Variants in GRID2IP observed in about 807,000 individuals in gnomAD.
GRID2IP encodes the protein delphilin.
In GRID2IP, 78 loss-of-function variants were observed where a neutral mutation model predicts 114.3. The ratio of observed to expected loss-of-function variants is 0.68; its 90% CI spans 0.57 to 0.82. GRID2IP has a LOEUF of 0.82. Among genes scored for constraint, GRID2IP ranks in the 40% least tolerant of loss-of-function variants. The pLI is 0.00. For missense variants in GRID2IP, 1,727 were observed against 1,678.5 expected, an observed-to-expected ratio of 1.03 and a Z score of -0.51; for synonymous variants, 809 against 724.0, an observed-to-expected ratio of 1.12 and a Z score of -1.89.
At chr7:6,504,385 G>A (rs531492573) in intron 15 of GRID2IP, among the ~76,000 whole-genome samples, 290 of 151,578 alleles carry the variant, frequency 1.9e-3, no homozygotes, top group Non-Finnish European at 2.8e-3. Flanking sequence ...GGCCTGCGAG[G>A]GGTGCCGTAG....
At chr7:6,533,448 T>A (rs1016160213) in intron 2 of GRID2IP, among the ~76,000 whole-genome samples, 2 of 151,966 alleles carry the variant, frequency 1.3e-5, no homozygotes, top group Non-Finnish European at 2.9e-5. Flanking sequence ...AGCCTCAAAT[T>A]CCTGGGCTTA....
At chr7:6,500,216 C>A (rs1482861781) in intron 20 of GRID2IP, among the ~76,000 whole-genome samples, 1 of 151,762 alleles carries the variant, frequency 6.6e-6, no homozygotes, top group Non-Finnish European at 1.5e-5. Context: ...GTAATCCCAG[C>A]ACTTTGGGAG....
At chr7:6,498,514 C>T (rs570001578) in intron 20 of GRID2IP, among the ~76,000 whole-genome samples, 7 of 152,070 alleles carry the variant, frequency 4.6e-5, no homozygotes, top group African/African-American at 9.6e-5. Context: ...CTTCCACTGC[C>T]ACCTTCTTCC....
chr7:6,503,709 G>A (rs1365070622), intron 15 of GRID2IP, 22 bp from the exon 16 acceptor site: 2 of 1,447,604 alleles, frequency 1.4e-6, no homozygotes, highest in Non-Finnish European at 1.8e-6. Context: ...GCGGGGCGGT[G>A]AGCTGGGCGG....
At chr7:6,503,715 G>C (rs1190847237) in intron 15 of GRID2IP, 28 bp from the exon 16 acceptor site, 2 of 1,440,574 alleles carry the variant, frequency 1.4e-6, no homozygotes, top group Non-Finnish European at 1.8e-6. Flanking sequence ...CGGTGAGCTG[G>C]GCGGGGCCGG....
intron 1 of GRID2IP, among the ~76,000 whole-genome samples, chr7:6,541,137 G>C (rs919468218): frequency 6.6e-6 from 1 of 151,578 alleles, no homozygotes; most frequent in Non-Finnish European, 1.5e-5. Flanking sequence ...CTTCCACCAC[G>C]GCCTCCCAAG....
chr7:6,511,039 G>A lies in GRID2IP; in HGVS notation c.1424C>T (p.Ala475Val), dbSNP rs537204643. 5.6e-6 allele frequency: 8 copies of A among 1,434,092 alleles called. No homozygotes were observed. The African/African-American group carries it at 1.2e-4, about 21-fold the overall frequency. The allele number at this position is 1,434,092 out of a possible 1,614,324, so 88.8% of individuals were successfully genotyped here. ...CAGGTCCAGCTCAGGCTCCGGCTCT[G>A]CTGTGGGACATGCAGGGAACATGGG... is the stretch of plus-strand genomic sequence containing the variant. ...ACFLGYTAMT[A>V]EPEPELDLES... Residue 475 changes from alanine to valine, a missense_variant and splice_region_variant, in exon 9 of 22, where the codon GCA becomes GTA. Ala to Val is a moderately conservative substitution (Grantham distance 64). Transcript: ENST00000457091.
At position 6,501,383 on chromosome 7, in the gene GRID2IP, T is replaced by C. The variant is rs73059342; in HGVS notation, c.3399+398A>G. On this transcript the variant is annotated intron_variant, in intron 20 of 21. Transcript: ENST00000457091. ...AAATAAAATTAAACAAACAAACAAA[T>C]AAATAAATAAATAAATAAATTTATA... is the stretch of plus-strand genomic sequence containing the variant. Among the ~76,000 whole-genome samples, 572 of 150,546 alleles carry C rather than the reference T, an allele frequency of 3.8e-3. 2 individuals carry two copies. Among genetic ancestry groups the C allele is most frequent in the African/African-American group, 0.011 (430 of 40,900 alleles).
intron 15 of GRID2IP, 98 bp from the exon 16 acceptor site, chr7:6,503,785 C>T (rs1259509980): frequency 1.2e-6 from 1 of 866,924 alleles, no homozygotes; most frequent in Non-Finnish European, 1.7e-6. Flanking sequence ...AGAGGGCGGA[C>T]ACGGGGCGGG....
Position 6,521,804 on chromosome 7 carries a change from G to T in GRID2IP, c.989+84C>A. The T allele has an allele frequency of 1.9e-6, 2 of 1,035,250 alleles. No individual in the cohort carries two copies. The highest frequency in any genetic ancestry group is 2.9e-6 in the Non-Finnish European group (2 of 684,170). The allele number at this position is 1,035,250 out of a possible 1,614,324, so 64.1% of individuals were successfully genotyped here. A position where few individuals can be genotyped will look rare whatever the true frequency, so the allele number is the denominator to read the frequency against. On this transcript the variant is annotated intron_variant, in intron 5 of 21. Coordinates refer to ENST00000457091, the MANE Select transcript of GRID2IP (RefSeq NM_001145118.2). The surrounding 1 kb of genome is among the most constrained non-coding windows in gnomAD (Gnocchi z 4.1). The stretch of plus-strand genomic sequence containing the variant: ...ATGGTGAGAGGAGATTGTGATCACA[G>T]CCTGGGTGCCCCAAGAGGCAGGAGT...
chr7:6,539,623 C>T, intron 2 of GRID2IP, 95 bp downstream of exon 2: 4 of 1,208,144 alleles, frequency 3.3e-6, no homozygotes, highest in East Asian at 5.5e-5. Context: ...TATCTCCCAC[C>T]TGGGCTGGAA....
chr7:6,534,479 T>C lies in GRID2IP; in HGVS notation c.584+5239A>G, dbSNP rs914066360. On this transcript the variant is annotated intron_variant, in intron 2 of 21. Coordinates refer to ENST00000457091, the MANE Select transcript of GRID2IP (RefSeq NM_001145118.2). This position sits in a 1 kb window ranked among gnomAD's most constrained non-coding sequence, Gnocchi z 4.5. ...CTCCCAGTCGCAGGATTAACTGTTG[T>C]GGTGAAGGAATAGGAGACCACCTGC... Among the ~76,000 whole-genome samples the C allele has an allele frequency of 6.6e-6, 1 of 152,110 alleles. No homozygotes were observed. Among genetic ancestry groups the C allele is most frequent in the African/African-American group, 2.4e-5 (1 of 41,430 alleles).
intron 20 of GRID2IP, among the ~76,000 whole-genome samples, chr7:6,499,506 C>A (rs1361831718): frequency 2.0e-5 from 3 of 152,208 alleles, no homozygotes; most frequent in Admixed American, 2.0e-4. Context: ...TCTCGGCTTA[C>A]TGCAATCTCC....
chr7:6,511,140 G>A, intron 8 of GRID2IP, 101 bp from the exon 9 acceptor site: 4 of 1,279,614 alleles, frequency 3.1e-6, no homozygotes, highest in Non-Finnish European at 4.0e-6. Flanking sequence ...GCACCAATAT[G>A]CAGACCCCAA....
intron 8 of GRID2IP, among the ~76,000 whole-genome samples, chr7:6,511,461 C>A (rs1218055104): frequency 6.6e-6 from 1 of 152,102 alleles, no homozygotes; most frequent in Non-Finnish European, 1.5e-5. Context: ...CAACCTCCAC[C>A]TCCCAGGTTC....
At chr7:6,545,645 G>A (rs1180289593) in intron 1 of GRID2IP, among the ~76,000 whole-genome samples, 3 of 152,174 alleles carry the variant, frequency 2.0e-5, no homozygotes, top group South Asian at 2.1e-4. Context: ...CTGTGTAACC[G>A]TCTGTCTCCC....
rs1311913728 is a variant in GRID2IP, at chr7:6,528,966, C to T, written c.585-2197G>A. 6.6e-6 allele frequency among the ~76,000 whole-genome samples: 1 copy of T among 152,136 alleles called. No homozygotes were observed. The highest frequency in any genetic ancestry group is 2.4e-5 in the African/African-American group (1 of 41,410). On this transcript the variant is annotated intron_variant, in intron 2 of 21. Transcript: ENST00000457091. The surrounding 1 kb of genome is among the most constrained non-coding windows in gnomAD (Gnocchi z 6.0). ...CTCCATCTGCCAGGCCTGCACATTC[C>T]CTAGCGCCTCCCAGACCTCAAGCCT...
At chr7:6,503,247 G>GGGGGGC in intron 16 of GRID2IP, 84 bp from the exon 17 acceptor site, 4 of 504,170 alleles carry the variant, frequency 7.9e-6, no homozygotes, top group East Asian at 8.8e-5. Context: ...GGGAGGGGGG[G>GGGGGGC]ATCTGCTGGC....
chr7:6,504,802 A>T lies in GRID2IP; in HGVS notation c.2701T>A (p.Tyr901Asn). 1.1e-5 allele frequency: 17 copies of T among 1,551,066 alleles called. No individual in the cohort carries two copies. Among genetic ancestry groups the T allele is most frequent in the Non-Finnish European group, 1.5e-5 (17 of 1,146,580 alleles). The change falls in exon 15 of 22, where the codon TAC (tyrosine) becomes AAC (asparagine). Residue 901 changes from tyrosine to asparagine, a missense_variant. Transcript: ENST00000457091. ...TTCCCCGGACCCTCACAGGTGTTGT[A>T]GGCCTTCTTATGGGACAGGATCTCC... ...VVEILSHKKA[Y>N]NTSILLAHLK...
Sources: allele counts gnomAD v4.1 joint callset (sites outside exome capture counted in the v4.1 genomes callset), GRCh38; gene constraint gnomAD v4.1.1; non-coding constraint Gnocchi (gnomAD v3.1); transcripts MANE v1.5; gene names NCBI Gene and HGNC (gene_info 2026-07-23, HGNC 2026-07-21).